Variants in FAM135A observed in about 807,000 individuals in gnomAD.
FAM135A encodes the protein protein FAM135A.
Under a neutral mutation model 146.8 loss-of-function variants are expected in FAM135A, and 79 were observed. That is an observed-to-expected ratio of 0.54 (90% CI 0.45 to 0.65). The LOEUF (loss-of-function observed/expected upper bound fraction) is 0.65. FAM135A is among the 30% of genes least tolerant of loss of function. The pLI, the probability that FAM135A is intolerant of heterozygous loss-of-function variation, is 0.00. For missense variants in FAM135A, 1,623 were observed against 1,758.2 expected (o/e 0.92, Z 1.38); for synonymous variants, 562 against 603.6 (o/e 0.93, Z 1.01).
At chr6:70,420,526 C>T (rs1768583062) in intron 2 of FAM135A, among the ~76,000 whole-genome samples, 2 of 152,098 alleles carry the variant, frequency 1.3e-5, no homozygotes, top group African/African-American at 4.8e-5. Flanking sequence ...CTGATGGGAG[C>T]GAAGATGCCT....
chr6:70,444,604 AAAAT>A, intron 4 of FAM135A, among the ~76,000 whole-genome samples: 1 of 152,236 alleles, frequency 6.6e-6, no homozygotes, highest in East Asian at 1.9e-4. Flanking sequence ...ATTTATCTAA[AAAAT>A]TTTATATCTT....
At chr6:70,436,555 A>G (rs1485782967) in intron 4 of FAM135A, among the ~76,000 whole-genome samples, 1 of 152,132 alleles carries the variant, frequency 6.6e-6, no homozygotes, top group African/African-American at 2.4e-5. Flanking sequence ...AGGGTATTGG[A>G]TTTAAGGGGC....
At chr6:70,474,037 G>A (rs1429734260) in intron 5 of FAM135A, among the ~76,000 whole-genome samples, 1 of 152,038 alleles carries the variant, frequency 6.6e-6, no homozygotes, top group Non-Finnish European at 1.5e-5. Context: ...TCCTGCTCAG[G>A]TTCTGACACT....
At chr6:70,444,369 C>T (rs1434894114) in intron 4 of FAM135A, among the ~76,000 whole-genome samples, 2 of 152,046 alleles carry the variant, frequency 1.3e-5, no homozygotes, top group Non-Finnish European at 2.9e-5. Flanking sequence ...TGCCACTACA[C>T]TCCAGCCTGG....
chr6:70,559,220 C>T (rs1205690781), intron 21 of FAM135A, among the ~76,000 whole-genome samples: 2 of 152,264 alleles, frequency 1.3e-5, no homozygotes, highest in Non-Finnish European at 2.9e-5. Flanking sequence ...GCGGGAGGAT[C>T]GCCTGAGGTC....
chr6:70,477,445 G>A (rs1782844031), intron 8 of FAM135A, 113 bp downstream of exon 8: 1 of 1,139,074 alleles, frequency 8.8e-7, no homozygotes. Context: ...GGTTCTTCAG[G>A]CTGTACAGGA....
chr6:70,541,548 A>G (rs1462388936), intron 20 of FAM135A, among the ~76,000 whole-genome samples: 1 of 150,862 alleles, frequency 6.6e-6, no homozygotes, highest in African/African-American at 2.4e-5. Flanking sequence ...TTGCCCCTTT[A>G]TGAAAGCTGT....
chr6:70,477,696 C>T (rs1782889769), intron 8 of FAM135A, among the ~76,000 whole-genome samples: 1 of 152,182 alleles, frequency 6.6e-6, no homozygotes, highest in African/African-American at 2.4e-5. Context: ...GATCTAATCA[C>T]CTCCCACCAG....
At chr6:70,553,112 G>C (rs558455800) in intron 20 of FAM135A, among the ~76,000 whole-genome samples, 2 of 151,984 alleles carry the variant, frequency 1.3e-5, no homozygotes, top group East Asian at 3.9e-4. Flanking sequence ...AGCACAATTG[G>C]GGAAGCCATT....
intron 8 of FAM135A, among the ~76,000 whole-genome samples, chr6:70,478,183 A>G (rs1005022980): frequency 1.3e-5 from 2 of 152,170 alleles, no homozygotes; most frequent in Non-Finnish European, 2.9e-5. Context: ...GTTCAAAGGT[A>G]TATAATATTC....
intron 20 of FAM135A, 22 bp downstream of exon 20, chr6:70,538,423 G>A: frequency 7.6e-7 from 1 of 1,321,412 alleles, no homozygotes; most frequent in African/African-American, 1.5e-5. Flanking sequence ...ATAACAGTTT[G>A]GAAAATATAC....
intron 20 of FAM135A, among the ~76,000 whole-genome samples, chr6:70,548,933 T>TA (rs1168396399): frequency 3.6e-4 from 54 of 151,864 alleles, no homozygotes; most frequent in Non-Finnish European, 7.4e-4. Context: ...AATTAAAAAT[T>TA]AAAAAATATA....
intron 16 of FAM135A, among the ~76,000 whole-genome samples, chr6:70,530,378 A>T (rs578058373): frequency 6.6e-6 from 1 of 152,164 alleles, no homozygotes; most frequent in African/African-American, 2.4e-5. Context: ...TTTGGTGAAT[A>T]TTAGAGGTAC....
intron 5 of FAM135A, among the ~76,000 whole-genome samples, chr6:70,457,972 A>G (rs1778688643): frequency 1.3e-5 from 2 of 152,112 alleles, no homozygotes; most frequent in Admixed American, 1.3e-4. Context: ...TATGAAATGT[A>G]GTGATCTGAT....
intron 4 of FAM135A, among the ~76,000 whole-genome samples, chr6:70,434,729 A>G (rs568557429): frequency 6.6e-6 from 1 of 152,304 alleles, no homozygotes; most frequent in South Asian, 2.1e-4. Flanking sequence ...ACAAAGTGCT[A>G]TGCTTTAATC....
intron 12 of FAM135A, 44 bp from the exon 13 acceptor site, chr6:70,522,469 T>A: frequency 1.9e-6 from 3 of 1,565,554 alleles, no homozygotes; most frequent in Non-Finnish European, 2.6e-6. Flanking sequence ...GATTGACTTT[T>A]TAAATACGTC....
At chr6:70,417,637 G>T (rs1041425685) in intron 2 of FAM135A, 1 of 985,002 alleles carries the variant, frequency 1.0e-6, no homozygotes, top group African/African-American at 1.7e-5. Context: ...GGATGCAGCT[G>T]TTTCATTCAT....
At chr6:70,437,805 G>C (rs1294568593) in intron 4 of FAM135A, among the ~76,000 whole-genome samples, 1 of 152,088 alleles carries the variant, frequency 6.6e-6, no homozygotes, top group African/African-American at 2.4e-5. Context: ...AAAAGTAAAT[G>C]TTAGGCTCTT....
At chr6:70,485,527 T>C (rs995251880) in intron 10 of FAM135A, among the ~76,000 whole-genome samples, 1 of 152,190 alleles carries the variant, frequency 6.6e-6, no homozygotes, top group Non-Finnish European at 1.5e-5. Flanking sequence ...CAAACACCAC[T>C]ATATTCACCA....
Sources: allele counts gnomAD v4.1 joint callset (sites outside exome capture counted in the v4.1 genomes callset), GRCh38; gene constraint gnomAD v4.1.1; transcripts MANE v1.5; gene names NCBI Gene and HGNC (gene_info 2026-07-23, HGNC 2026-07-21).